Variants in BAZ2B observed in about 807,000 individuals in gnomAD.
The protein encoded by BAZ2B is bromodomain adjacent to zinc finger domain 2B, also known as bromodomain adjacent to zinc finger domain protein 2B.
A neutral mutation model predicts 246.0 loss-of-function variants in BAZ2B; 91 were observed. That is an observed-to-expected ratio of 0.37 (90% CI 0.31 to 0.44). BAZ2B has a LOEUF of 0.44. Among genes scored for constraint, BAZ2B ranks in the 20% least tolerant of loss-of-function variants. The pLI is 1.00. For missense variants in BAZ2B, 2,332 were observed against 2,533.7 expected, an observed-to-expected ratio of 0.92 and a Z score of 1.71; for synonymous variants, 855 against 860.0, an observed-to-expected ratio of 0.99 and a Z score of 0.10.
At chr2:159,389,941 A>C (rs2063128653) in intron 20 of BAZ2B, among the ~76,000 whole-genome samples, 1 of 152,130 alleles carries the variant, frequency 6.6e-6, no homozygotes, top group African/African-American at 2.4e-5. Context: ...CATAAACAAC[A>C]CTTAAGAGAA....
At chr2:159,543,414 T>C (rs948299217) in intron 2 of BAZ2B, among the ~76,000 whole-genome samples, 2 of 152,112 alleles carry the variant, frequency 1.3e-5, no homozygotes, top group Admixed American at 6.6e-5. Flanking sequence ...ATAATGAATA[T>C]ACTTTTTTTT....
intron 14 of BAZ2B, among the ~76,000 whole-genome samples, chr2:159,408,316 G>A (rs1033477414): frequency 6.6e-6 from 1 of 152,142 alleles, no homozygotes. Context: ...AGGACTATAG[G>A]AGTGCACCAC....
chr2:159,538,234 A>G (rs182379465), intron 2 of BAZ2B, among the ~76,000 whole-genome samples: 66 of 152,266 alleles, frequency 4.3e-4, no homozygotes, highest in African/African-American at 1.5e-3. Flanking sequence ...CTGTATGTGC[A>G]ATTAACTTTA....
At chr2:159,518,154 A>G (rs2083631171) in intron 2 of BAZ2B, among the ~76,000 whole-genome samples, 1 of 152,236 alleles carries the variant, frequency 6.6e-6, no homozygotes, top group Admixed American at 6.5e-5. Context: ...GTTTCCTATA[A>G]TGTGTCAAAT....
chr2:159,557,460 T>A (rs1316249078), intron 1 of BAZ2B, among the ~76,000 whole-genome samples: 1 of 152,188 alleles, frequency 6.6e-6, no homozygotes, highest in Non-Finnish European at 1.5e-5. Context: ...GCTTCTACCA[T>A]GTTCCAGTCA....
At chr2:159,687,382 T>C in the BAZ2B span, among the ~76,000 whole-genome samples, 1 of 152,284 alleles carries the variant, frequency 6.6e-6, no homozygotes, top group South Asian at 2.1e-4. Flanking sequence ...CATTCAATCC[T>C]TTCCCCAGAC....
rs1559395499 is a variant in BAZ2B, at chr2:159,432,828, TC to T, written c.1828del (p.Asp610MetfsTer61). On this transcript the variant is annotated frameshift_variant, in exon 9 of 37. Coordinates refer to ENST00000392783, the MANE Select transcript of BAZ2B (RefSeq NM_013450.4). LOFTEE classifies it high-confidence loss of function. Reference sequence around the variant, plus strand: ...TTCTTCTTCATCATCTTCCTCTTCATCCTCATTTGAATCTTCAGAATCTTTA... The same window carrying T: ...TTCTTCTTCATCATCTTCCTCTTCATCTCATTTGAATCTTCAGAATCTTTA... ...SSKDSEDSNE[D>X]EEEDDEEEDE... 6.2e-7 allele frequency: 1 copy of T among 1,614,140 alleles called. No individual in the cohort carries two copies.
At chr2:159,347,405 A>C in intron 31 of BAZ2B, 81 bp downstream of exon 31, 1 of 1,401,506 alleles carries the variant, frequency 7.1e-7, no homozygotes, top group Non-Finnish European at 1.0e-6. Context: ...TAGCACATTA[A>C]CTAGCATATA....
At chr2:159,711,078 G>T in the BAZ2B span, among the ~76,000 whole-genome samples, 54,950 of 151,936 alleles carry the variant, frequency 0.36, 10,126 homozygotes, top group South Asian at 0.46. Flanking sequence ...GTTTAGCAAG[G>T]TTAAGGAATT....
chr2:159,488,428 C>A (rs2080083224), intron 2 of BAZ2B, among the ~76,000 whole-genome samples: 1 of 152,094 alleles, frequency 6.6e-6, no homozygotes, highest in African/African-American at 2.4e-5. Context: ...TGATGGATAT[C>A]CCATTTACCC....
chr2:159,410,797 T>G (rs1277439749), intron 14 of BAZ2B, among the ~76,000 whole-genome samples: 2 of 152,210 alleles, frequency 1.3e-5, no homozygotes, highest in Non-Finnish European at 2.9e-5. Context: ...TATGTTTAGA[T>G]TTGTATAATA....
intron 1 of BAZ2B, among the ~76,000 whole-genome samples, chr2:159,569,218 T>C (rs1683346970): frequency 6.6e-6 from 1 of 152,108 alleles, no homozygotes. Flanking sequence ...CTCAAACTGC[T>C]AGTGAATGAA....
At chr2:159,427,286 A>G (rs1019993051) in intron 13 of BAZ2B, among the ~76,000 whole-genome samples, 2 of 152,120 alleles carry the variant, frequency 1.3e-5, no homozygotes, top group African/African-American at 2.4e-5. Context: ...AAGAAAACAT[A>G]CAGGAAATGA....
intron 6 of BAZ2B, among the ~76,000 whole-genome samples, chr2:159,441,448 T>A (rs1297926797): frequency 1.3e-5 from 2 of 152,096 alleles, no homozygotes; most frequent in Admixed American, 6.5e-5. Flanking sequence ...ATAGTTCTAT[T>A]TTTATAAGGT....
intron 2 of BAZ2B, among the ~76,000 whole-genome samples, chr2:159,553,741 A>G (rs2088681148): frequency 6.6e-6 from 1 of 152,178 alleles, no homozygotes; most frequent in African/African-American, 2.4e-5. Flanking sequence ...AGTATATATT[A>G]CATAATATAT....
intron 1 of BAZ2B, among the ~76,000 whole-genome samples, chr2:159,591,113 A>T (rs10209829): frequency 0.55 from 83,501 of 151,968 alleles, 23,653 homozygotes; most frequent in East Asian, 0.74. Flanking sequence ...CATTGCCTAA[A>T]ACTTTTGTAG....
intron 1 of BAZ2B, among the ~76,000 whole-genome samples, chr2:159,594,777 G>A (rs12692554): frequency 0.41 from 62,886 of 151,744 alleles, 13,485 homozygotes; most frequent in African/African-American, 0.51. Flanking sequence ...GACTACAGGC[G>A]CGTGCCAACA....
intron 1 of BAZ2B, among the ~76,000 whole-genome samples, chr2:159,557,544 C>G (rs774452208): frequency 1.4e-4 from 21 of 152,194 alleles, no homozygotes; most frequent in Admixed American, 2.6e-4. Context: ...GCTCTTCCCT[C>G]TGCCTGGAGC....
At chr2:159,400,787 T>C (rs952628372) in intron 16 of BAZ2B, 123 bp from the exon 17 acceptor site, 2 of 530,468 alleles carry the variant, frequency 3.8e-6, no homozygotes, top group African/African-American at 4.1e-5. Context: ...ACACCTGTAA[T>C]CCCAGCACTT....
Sources: allele counts gnomAD v4.1 joint callset (sites outside exome capture counted in the v4.1 genomes callset), GRCh38; gene constraint gnomAD v4.1.1; transcripts MANE v1.5; gene names NCBI Gene and HGNC (gene_info 2026-07-23, HGNC 2026-07-21).